Variants in SPRR2B observed in about 807,000 individuals in gnomAD.
SPRR2B encodes small proline rich protein 2B.
A neutral mutation model predicts 1.0 loss-of-function variants in SPRR2B; 1 was observed. That is an observed-to-expected ratio of 1.01 (90% CI 0.36 to 4.77). The LOEUF (loss-of-function observed/expected upper bound fraction) is 4.77, where lower values mean the gene tolerates loss of function less well. Among genes scored for constraint, SPRR2B ranks in the 30% most tolerant of loss-of-function variants. SPRR2B has a pLI of 0.16. For synonymous variants in SPRR2B, 27 were observed against 33.4 expected, an observed-to-expected ratio of 0.81 and a Z score of 0.66; for missense variants, 53 against 88.7, an observed-to-expected ratio of 0.60 and a Z score of 1.62.
chr1:153,078,442 C>T, the SPRR2B span, among the ~76,000 whole-genome samples: 2 of 152,168 alleles, frequency 1.3e-5, no homozygotes, highest in Non-Finnish European at 1.5e-5. Flanking sequence ...ATACATGTGC[C>T]ATGTTGGTGT....
chr1:153,081,708 C>T, the SPRR2B span, among the ~76,000 whole-genome samples: 1 of 152,062 alleles, frequency 6.6e-6, no homozygotes, highest in Non-Finnish European at 1.5e-5. Flanking sequence ...TGCAAATGAA[C>T]ACAATATAAT....
At chr1:153,078,595 T>C in the SPRR2B span, among the ~76,000 whole-genome samples, 7 of 151,472 alleles carry the variant, frequency 4.6e-5, 1 homozygote, top group South Asian at 1.3e-3. Flanking sequence ...TTCCCACCTA[T>C]GAGTGAGAAC....
upstream of SPRR2B, among the ~76,000 whole-genome samples, chr1:153,074,910 G>A (rs970984601): frequency 6.6e-6 from 1 of 152,126 alleles, no homozygotes; most frequent in Non-Finnish European, 1.5e-5. Context: ...AGCAGCAGTT[G>A]TTTTATTGTT....
chr1:153,086,673 G>A, the SPRR2B span, among the ~76,000 whole-genome samples: 2 of 152,190 alleles, frequency 1.3e-5, no homozygotes, highest in African/African-American at 4.8e-5. Flanking sequence ...ACACATCATA[G>A]AGACAGAAAA....
the SPRR2B span, among the ~76,000 whole-genome samples, chr1:153,081,310 T>C: frequency 6.6e-6 from 1 of 152,060 alleles, no homozygotes; most frequent in Non-Finnish European, 1.5e-5. Flanking sequence ...AAGAGGAAAA[T>C]GAATCATGAT....
chr1:153,070,745 C>A lies in SPRR2B; in HGVS notation c.95G>T (p.Cys32Phe). Reference protein sequence around the residue: ...KCPEPCPPPKCPEPCPPPKCP... With the variant: ...KCPEPCPPPKFPEPCPPPKCP... ...CTTTGGTGGTGGGCAGGGCTCAGGG[C>A]ACTTCGGGGGTGGACATGGCTCTGG... The change falls in exon 2 of 2, where the codon TGC (cysteine) becomes TTC (phenylalanine). Residue 32 changes from cysteine to phenylalanine, a missense_variant. Coordinates refer to ENST00000368755, the MANE Select transcript of SPRR2B (RefSeq NM_001388198.1). The A allele has an allele frequency of 6.8e-6, 11 of 1,606,888 alleles. No homozygotes were observed. The highest frequency in any genetic ancestry group is 8.5e-6 in the Non-Finnish European group (10 of 1,177,324).
chr1:153,083,787 A>G, the SPRR2B span, among the ~76,000 whole-genome samples: 3 of 152,342 alleles, frequency 2.0e-5, no homozygotes, highest in East Asian at 3.9e-4. Context: ...GGCAGGCAGA[A>G]CTGCTTAGAG....
At chr1:153,072,232 C>A (rs765615991), upstream of SPRR2B, among the ~76,000 whole-genome samples, 1 of 152,112 alleles carries the variant, frequency 6.6e-6, no homozygotes. Context: ...TTCCTTTTCC[C>A]TTTGAAGTTG....
intron 1 of SPRR2B, among the ~76,000 whole-genome samples, 181 bp downstream of exon 1, chr1:153,071,388 T>G (rs1447132390): frequency 6.6e-6 from 1 of 151,604 alleles, no homozygotes; most frequent in African/African-American, 2.4e-5. Flanking sequence ...TATGAACATA[T>G]AACTGTATAT....
chr1:153,078,845 G>A, the SPRR2B span, among the ~76,000 whole-genome samples: 1 of 152,158 alleles, frequency 6.6e-6, no homozygotes, highest in Admixed American at 6.5e-5. Context: ...TGTCTTTATA[G>A]CAGCATGATT....
At chr1:153,085,425 G>A in the SPRR2B span, among the ~76,000 whole-genome samples, 1 of 145,392 alleles carries the variant, frequency 6.9e-6, no homozygotes, top group Non-Finnish European at 1.5e-5. Flanking sequence ...AGACCAGGCA[G>A]AGAAAAGAAT....
chr1:153,085,700 A>G, the SPRR2B span, among the ~76,000 whole-genome samples: 3 of 152,224 alleles, frequency 2.0e-5, no homozygotes, highest in Non-Finnish European at 4.4e-5. Context: ...AAGATACTAC[A>G]GAAGAACATC....
the SPRR2B span, among the ~76,000 whole-genome samples, chr1:153,082,467 A>C: frequency 6.6e-6 from 1 of 152,226 alleles, no homozygotes; most frequent in East Asian, 1.9e-4. Context: ...ATTGGGTTAC[A>C]GAACAATTTA....
At chr1:153,083,521 A>G in the SPRR2B span, among the ~76,000 whole-genome samples, 3 of 152,192 alleles carry the variant, frequency 2.0e-5, no homozygotes, top group South Asian at 2.1e-4. Flanking sequence ...AGGAACCGAG[A>G]TTACAGGTGC....
the SPRR2B span, among the ~76,000 whole-genome samples, chr1:153,081,583 G>GA: frequency 6.6e-6 from 1 of 152,128 alleles, no homozygotes; most frequent in Non-Finnish European, 1.5e-5. Flanking sequence ...GGATGCTGGA[G>GA]AAAAACTATG....
chr1:153,078,921 C>A, the SPRR2B span, among the ~76,000 whole-genome samples: 1 of 152,158 alleles, frequency 6.6e-6, no homozygotes, highest in African/African-American at 2.4e-5. Context: ...AGTTTTAGAT[C>A]CCTGAGGAAT....
the SPRR2B span, among the ~76,000 whole-genome samples, chr1:153,078,366 C>G: frequency 0.019 from 2,407 of 130,000 alleles, 62 homozygotes; most frequent in African/African-American, 0.059. Context: ...AGCTTACTTT[C>G]TGTTTTTTTA....
the SPRR2B span, among the ~76,000 whole-genome samples, chr1:153,080,544 G>T: frequency 6.6e-6 from 1 of 152,094 alleles, no homozygotes; most frequent in South Asian, 2.1e-4. Context: ...TTACAAATTT[G>T]TGGAAATTAA....
At chr1:153,079,581 A>G in the SPRR2B span, among the ~76,000 whole-genome samples, 14 of 152,170 alleles carry the variant, frequency 9.2e-5, no homozygotes, top group East Asian at 1.2e-3. Flanking sequence ...CTTTCTACAT[A>G]TGGTTAGCCA....
Sources: gnomAD v4.1 joint callset for allele counts (sites outside exome capture counted in the v4.1 genomes callset) on GRCh38, gnomAD v4.1.1 for gene constraint, MANE v1.5 for transcripts, NCBI Gene and HGNC (gene_info 2026-07-23, HGNC 2026-07-21) for gene names.